The following SCML4 variants were observed in gnomAD, a reference collection of about 807,000 sequenced individuals.
The protein encoded by SCML4 is Scm polycomb group protein like 4, also known as sex comb on midleg-like protein 4.
SCML4 carries 34 observed loss-of-function variants against 41.1 expected under a neutral mutation model. The observed-to-expected ratio is 0.83, with a 90% CI of 0.63 to 1.10. SCML4 has a LOEUF of 1.10. SCML4 is among the 50% of genes least tolerant of loss of function. The probability of loss-of-function intolerance (pLI) is 0.00; values close to 1 mark genes in which losing one functional copy is unlikely to be tolerated. For synonymous variants in SCML4, 214 were observed against 220.9 expected (o/e 0.97, Z 0.28); for missense variants, 522 against 534.1 (o/e 0.98, Z 0.22).
At chr6:107,773,710 C>CAG (rs1780701374) in intron 1 of SCML4, among the ~76,000 whole-genome samples, 1 of 151,702 alleles carries the variant, frequency 6.6e-6, no homozygotes, top group Non-Finnish European at 1.5e-5. Context: ...GTTCAGGGGT[C>CAG]AGACTTCCTG....
At chr6:107,746,648 G>A in intron 4 of SCML4, 41 bp downstream of exon 4, 1 of 1,559,444 alleles carries the variant, frequency 6.4e-7, no homozygotes. Flanking sequence ...TCTGCAGAGA[G>A]ACATCCATGG....
intron 5 of SCML4, among the ~76,000 whole-genome samples, chr6:107,734,434 G>T (rs1343981317): frequency 6.6e-6 from 1 of 152,202 alleles, no homozygotes; most frequent in Non-Finnish European, 1.5e-5. Context: ...TTGGTTAATA[G>T]TTATGGAGTA....
At chr6:107,730,330 C>G (rs377743472) in intron 5 of SCML4, among the ~76,000 whole-genome samples, 1 of 152,202 alleles carries the variant, frequency 6.6e-6, no homozygotes, top group South Asian at 2.1e-4. Flanking sequence ...GGCGAAGGCA[C>G]TCATGGTCGA....
intron 6 of SCML4, among the ~76,000 whole-genome samples, chr6:107,711,434 T>C (rs1774204908): frequency 6.6e-6 from 1 of 152,200 alleles, no homozygotes; most frequent in South Asian, 2.1e-4. Context: ...TACAGTAACA[T>C]GCTGTACAGG....
chr6:107,764,206 G>A (rs1779853375), intron 2 of SCML4, among the ~76,000 whole-genome samples: 2 of 152,180 alleles, frequency 1.3e-5, no homozygotes, highest in Non-Finnish European at 2.9e-5. Context: ...CTGTAACTGG[G>A]TCTACTCGTA....
intron 1 of SCML4, among the ~76,000 whole-genome samples, chr6:107,775,570 G>T (rs1170845849): frequency 6.6e-6 from 1 of 152,220 alleles, no homozygotes; most frequent in African/African-American, 2.4e-5. Context: ...GAAGTAGAAA[G>T]ATTCCAATGA....
chr6:107,763,350 G>A (rs1349316288), intron 2 of SCML4, among the ~76,000 whole-genome samples: 1 of 151,756 alleles, frequency 6.6e-6, no homozygotes, highest in African/African-American at 2.4e-5. Flanking sequence ...AGGTCATGAC[G>A]GTATGCCCCA....
chr6:107,721,508 A>G (rs1286718396), intron 5 of SCML4, among the ~76,000 whole-genome samples: 1 of 143,530 alleles, frequency 7.0e-6, no homozygotes, highest in Admixed American at 7.2e-5. Flanking sequence ...GAGGTTGCAG[A>G]GCAAAACTCC....
chr6:107,721,122 A>C, intron 5 of SCML4, 129 bp from the exon 6 acceptor site: 10 of 1,155,836 alleles, frequency 8.7e-6, no homozygotes, highest in Non-Finnish European at 1.2e-5. Context: ...AGAGAGGAGA[A>C]ATGAACCTCA....
chr6:107,744,846 C>T, intron 5 of SCML4, 103 bp downstream of exon 5: 1 of 985,136 alleles, frequency 1.0e-6, no homozygotes, highest in Non-Finnish European at 1.5e-6. Context: ...GCTCCAGTGG[C>T]AGAACTGCCA....
At chr6:107,763,194 T>G (rs1779751835) in intron 2 of SCML4, among the ~76,000 whole-genome samples, 1 of 152,058 alleles carries the variant, frequency 6.6e-6, no homozygotes, top group Non-Finnish European at 1.5e-5. Flanking sequence ...GATTTTTGTT[T>G]TTTTAATTAT....
At chr6:107,757,131 A>T (rs9400140) in intron 2 of SCML4, among the ~76,000 whole-genome samples, 3 of 152,088 alleles carry the variant, frequency 2.0e-5, no homozygotes, top group Non-Finnish European at 4.4e-5. Context: ...GGGAATCTGG[A>T]ATCAGCTCAT....
intron 1 of SCML4, among the ~76,000 whole-genome samples, chr6:107,777,367 C>G (rs971302248): frequency 2.0e-5 from 3 of 152,148 alleles, no homozygotes; most frequent in African/African-American, 7.2e-5. Flanking sequence ...CTGCCCACCT[C>G]GGCCTCCCAA....
chr6:107,788,779 AC>A (rs1419584287), intron 1 of SCML4, among the ~76,000 whole-genome samples: 1 of 152,106 alleles, frequency 6.6e-6, no homozygotes, highest in South Asian at 2.1e-4. Context: ...GTCACTACAC[AC>A]CGGTTTATTC....
intron 3 of SCML4, among the ~76,000 whole-genome samples, chr6:107,748,770 C>T (rs1464115567): frequency 6.6e-6 from 1 of 152,202 alleles, no homozygotes; most frequent in African/African-American, 2.4e-5. Flanking sequence ...GAAACTGTGG[C>T]TGTGAGAAAC....
chr6:107,823,342 A>C (rs1413907973), intron 1 of SCML4, among the ~76,000 whole-genome samples: 1 of 152,178 alleles, frequency 6.6e-6, no homozygotes, highest in Non-Finnish European at 1.5e-5. Flanking sequence ...CCCTGGCCTC[A>C]TCCACCGCTC....
Position 107,737,685 on chromosome 6 carries a change from T to C in SCML4, c.682+7264A>G, listed in dbSNP as rs117386443. 4.0e-3 allele frequency among the ~76,000 whole-genome samples: 611 copies of C among 152,286 alleles called. 7 individuals are homozygous for C. In the East Asian group the frequency reaches 0.053, roughly 13 times the overall value. Reference sequence around the variant, plus strand: ...GCACCAATATCAGCAGCACCAGTATTACTTGGGCACCTGTTAAAAGGCAGA... The same window carrying C: ...GCACCAATATCAGCAGCACCAGTATCACTTGGGCACCTGTTAAAAGGCAGA... On this transcript the variant is annotated intron_variant, in intron 5 of 7. Transcript: ENST00000369020.
intron 1 of SCML4, among the ~76,000 whole-genome samples, chr6:107,777,822 T>A (rs1781076318): frequency 6.6e-6 from 1 of 152,130 alleles, no homozygotes; most frequent in Admixed American, 6.6e-5. Flanking sequence ...GCTGGGCCAC[T>A]GCTCTTTTCC....
intron 1 of SCML4, among the ~76,000 whole-genome samples, chr6:107,775,882 T>C (rs1780900255): frequency 6.6e-6 from 1 of 152,148 alleles, no homozygotes; most frequent in South Asian, 2.1e-4. Context: ...TAAATTTCCA[T>C]TCAAAAAATT....
Sources: gnomAD v4.1 joint callset for allele counts (sites outside exome capture counted in the v4.1 genomes callset) on GRCh38, gnomAD v4.1.1 for gene constraint, MANE v1.5 for transcripts, NCBI Gene and HGNC (gene_info 2026-07-23, HGNC 2026-07-21) for gene names.